The following HOOK2 variants were observed in gnomAD, a reference collection of about 807,000 sequenced individuals.
The protein encoded by HOOK2 is protein Hook homolog 2.
A neutral mutation model predicts 111.9 loss-of-function variants in HOOK2; 108 were observed. The observed-to-expected ratio is 0.96, with a 90% CI of 0.83 to 1.13. HOOK2 has a LOEUF of 1.13. Among genes scored for constraint, HOOK2 ranks in the 50% most tolerant of loss-of-function variants. The pLI is 0.00. For missense variants in HOOK2, 978 were observed against 951.3 expected, an observed-to-expected ratio of 1.03 and a Z score of -0.37; for synonymous variants, 405 against 394.3, an observed-to-expected ratio of 1.03 and a Z score of -0.32.
In HOOK2 at chr19:12,771,050, C is replaced by T; in HGVS notation, c.784G>A (p.Glu262Lys). ...NFRLESGREDERLRCAELERE... is the reference protein window; with the variant it reads ...NFRLESGREDKRLRCAELERE... ...TCCAGCTCGGCACAGCGCAGGCGCT[C>T]ATCCTCCCTGCCACTCTCCAGCCTG... The change falls in exon 10 of 23, where the codon GAG (glutamate) becomes AAG (lysine). Residue 262 changes from glutamate to lysine, a missense_variant. Coordinates refer to ENST00000397668, the MANE Select transcript of HOOK2 (RefSeq NM_013312.3). 2 of 1,611,868 alleles carry T rather than the reference C, an allele frequency of 1.2e-6. No homozygotes were observed. The highest frequency in any genetic ancestry group is 1.7e-6 in the Non-Finnish European group (2 of 1,178,830).
At position 12,791,705 on chromosome 19, in the gene HOOK2, C is replaced by A; in HGVS notation, n.42-17480G>T. Reference sequence around the variant, plus strand: ...TCCGGTCACCGCAGCGGAGAGCTCGCCGCTCGCTGCAGCGAGGCCCGGAGC... The same window carrying A: ...TCCGGTCACCGCAGCGGAGAGCTCGACGCTCGCTGCAGCGAGGCCCGGAGC... On this transcript the variant is annotated intron_variant and non_coding_transcript_variant, in intron 3 of 3. Transcript: ENST00000589765. The surrounding 1 kb of genome is among the most constrained non-coding windows in gnomAD (Gnocchi z 7.0). The A allele has an allele frequency of 3.2e-6, 4 of 1,240,448 alleles. No individual in the cohort carries two copies. Among genetic ancestry groups the A allele is most frequent in the East Asian group, 2.5e-5 (1 of 40,258 alleles). 76.8% of individuals were successfully genotyped at this position (1,240,448 alleles called of 1,614,324 possible). A position where few individuals can be genotyped will look rare whatever the true frequency, so the allele number is the denominator to read the frequency against.
chr19:12,776,595 C>T (rs962546473), upstream of HOOK2, among the ~76,000 whole-genome samples: 2 of 148,704 alleles, frequency 1.3e-5, no homozygotes, highest in Non-Finnish European at 3.0e-5. Context: ...AGGAGAATCG[C>T]TTGAACCCTG....
Position 12,772,637 on chromosome 19 carries a change from A to C in HOOK2, c.432T>G (p.His144Gln), listed in dbSNP as rs1314426545. Residue 144 changes from histidine to glutamine, a missense_variant, in exon 6 of 23, where the codon CAT becomes CAG. Around this residue, in one of 5 missense-constraint regions of HOOK2, gnomAD observed 301 missense variants for 286.1 expected, o/e 1.05. Transcript: ENST00000397668. ...CCTCTTGGATGGCTTCCATCACCACATGCTGAACCGATTCTTCCAGCGTCA... is the reference window on the plus strand; with the variant it reads ...CCTCTTGGATGGCTTCCATCACCACCTGCTGAACCGATTCTTCCAGCGTCA... ...RIMTLEESVQHVVMEAIQELM... is the reference protein window; with the variant it reads ...RIMTLEESVQQVVMEAIQELM... 1 of 1,614,146 alleles carries C rather than the reference A, an allele frequency of 6.2e-7. No homozygotes were observed. Among genetic ancestry groups the C allele is most frequent in the Non-Finnish European group, 8.5e-7 (1 of 1,180,010 alleles).
chr19:12,777,648 C>T (rs141464846), upstream of HOOK2, among the ~76,000 whole-genome samples: 46 of 152,374 alleles, frequency 3.0e-4, no homozygotes, highest in African/African-American at 9.4e-4. Context: ...ATATTCCCCC[C>T]GCGCCTTGCC....
intron 3 of HOOK2, among the ~76,000 whole-genome samples, chr19:12,783,718 G>C (rs912470550): frequency 3.3e-5 from 5 of 152,122 alleles, no homozygotes; most frequent in African/African-American, 7.2e-5. Flanking sequence ...GGGTTGTTGT[G>C]GGGATTAGGT....
chr19:12,771,672 C>G (rs1197439556), intron 7 of HOOK2, 195 bp from the exon 8 acceptor site: 12 of 583,024 alleles, frequency 2.1e-5, no homozygotes, highest in Non-Finnish European at 3.1e-5. Flanking sequence ...TACCTGAGAT[C>G]AGGAGTTCCA....
chr19:12,764,757 G>A, intron 20 of HOOK2, 57 bp downstream of exon 20: 7 of 1,468,112 alleles, frequency 4.8e-6, no homozygotes, highest in Non-Finnish European at 6.6e-6. Flanking sequence ...CTCAATAGGA[G>A]GCACAAAAAG....
chr19:12,774,761 A>G lies in HOOK2; in HGVS notation c.132-20T>C. 1 of 1,613,508 alleles carries G rather than the reference A, an allele frequency of 6.2e-7. No individual in the cohort carries two copies. Among genetic ancestry groups the G allele is most frequent in the Non-Finnish European group, 8.5e-7 (1 of 1,179,474 alleles). ...GGGTCTCTGGGGGCGAGAAGGTGGG[A>G]TGAGCAGACTGGGGGACACTTTTGG... is the stretch of plus-strand genomic sequence containing the variant. On this transcript the variant is annotated intron_variant, in intron 2 of 22. Transcript: ENST00000397668.
chr19:12,763,624 G>A (rs780430834), intron 21 of HOOK2, 25 bp from the exon 22 acceptor site: 3 of 1,614,162 alleles, frequency 1.9e-6, no homozygotes, highest in Non-Finnish European at 1.7e-6. Context: ...AGTGTCAGGG[G>A]CCTAGATACG....
rs1968125297 is a variant in HOOK2, at chr19:12,765,710, T to C, written c.1620A>G (p.Lys540=). The change falls in exon 18 of 23, where the codon AAA becomes AAG. Residue 540 remains lysine (K), a synonymous_variant. Coordinates refer to ENST00000397668, the MANE Select transcript of HOOK2 (RefSeq NM_013312.3). The stretch of plus-strand genomic sequence containing the variant: ...CTTACAAATGTTCCTCCAGCTTCCT[T>C]TTCAGCAAAATGGACTGGGAGAGAG... ...KTEDAISILL[K]RKLEEHLQKL... is the part of the protein sequence containing the mutation. 2.5e-6 allele frequency: 4 copies of C among 1,614,184 alleles called. No individual in the cohort carries two copies. Among genetic ancestry groups the C allele is most frequent in the Non-Finnish European group, 3.4e-6 (4 of 1,180,026 alleles).
chr19:12,789,270 C>T (rs935124074), intron 3 of HOOK2, among the ~76,000 whole-genome samples: 2 of 152,062 alleles, frequency 1.3e-5, no homozygotes, highest in African/African-American at 2.4e-5. Context: ...GGTTCACACA[C>T]TAACTGCTCG....
upstream of HOOK2, among the ~76,000 whole-genome samples, chr19:12,781,517 G>C (rs969504892): frequency 6.6e-6 from 1 of 151,564 alleles, no homozygotes. Context: ...TAGTAGAGAC[G>C]GGGTTTCAGT....
intron 18 of HOOK2, 195 bp from the exon 19 acceptor site, chr19:12,765,276 G>A (rs920143031): frequency 3.2e-5 from 20 of 619,232 alleles, no homozygotes; most frequent in Admixed American, 1.1e-4. Flanking sequence ...ACAACCCTCC[G>A]CACCCTTAGC....
rs768766712 is a variant in HOOK2 at position 12,768,085 on chromosome 19, C to A, written c.1143G>T (p.Met381Ile). ...ATTCAAATAGCCATTTCTCGGCCTT[C>A]ATGGCCTCCTCCTGCCGCTGGCCCT... is the stretch of plus-strand genomic sequence containing the variant. ...ELQGQRQEEA[M>I]KAEKWLFECR... is the part of the protein sequence containing the mutation. The change falls in exon 12 of 23, where the codon ATG (methionine) becomes ATT (isoleucine). Residue 381 changes from methionine (M) to isoleucine (I), a missense_variant. Coordinates refer to ENST00000397668, the MANE Select transcript of HOOK2 (RefSeq NM_013312.3). 1 of 1,614,246 alleles carries A rather than the reference C, an allele frequency of 6.2e-7. No individual in the cohort carries two copies. Among genetic ancestry groups the A allele is most frequent in the South Asian group, 1.1e-5 (1 of 91,092 alleles).
chr19:12,781,748 T>G (rs1369783145), upstream of HOOK2, among the ~76,000 whole-genome samples: 1 of 152,142 alleles, frequency 6.6e-6, no homozygotes, highest in Non-Finnish European at 1.5e-5. Context: ...TGTGTCTGTA[T>G]GTATCTCTGT....
chr19:12,781,577 T>C (rs1041970207), upstream of HOOK2, among the ~76,000 whole-genome samples: 9 of 152,036 alleles, frequency 5.9e-5, no homozygotes, highest in Non-Finnish European at 1.2e-4. Context: ...CCGCCCGCCT[T>C]GGCCTCCCAA....
intron 3 of HOOK2, among the ~76,000 whole-genome samples, chr19:12,773,607 C>T (rs1309352698): frequency 6.6e-6 from 1 of 152,128 alleles, no homozygotes; most frequent in African/African-American, 2.4e-5. Flanking sequence ...ACCTGCCCCA[C>T]CATCCTTCAG....
chr19:12,774,411 G>A (rs1318892361), intron 3 of HOOK2: 5 of 570,646 alleles, frequency 8.8e-6, no homozygotes, highest in South Asian at 2.0e-5. Context: ...CAGCCTGGAA[G>A]TTAATTTTTA....
rs764527642 is a variant in HOOK2 at position 12,774,723 on chromosome 19, G to T, written c.150C>A (p.Asn50Lys). Reference sequence around the variant, plus strand: ...CCGAGATGCCCTGGAGCCATGCCTCGTTGAACCAGGAGGGGTCTCTGGGGG... The same window carrying T: ...CCGAGATGCCCTGGAGCCATGCCTCTTTGAACCAGGAGGGGTCTCTGGGGG... ...VLNQIDPSWF[N>K]EAWLQGISED... is the part of the protein sequence containing the mutation. The change falls in exon 3 of 23, where the codon AAC becomes AAA. Residue 50 changes from asparagine (N) to lysine (K), a missense_variant. Coordinates refer to ENST00000397668, the MANE Select transcript of HOOK2 (RefSeq NM_013312.3). 1.9e-6 allele frequency: 3 copies of T among 1,614,098 alleles called. No individual in the cohort carries two copies. The South Asian group carries it at 3.3e-5, about 18-fold the overall frequency.
Sources: gnomAD v4.1 joint callset for allele counts (sites outside exome capture counted in the v4.1 genomes callset) on GRCh38, gnomAD v4.1.1 for gene constraint, gnomAD v4.1.1 regional missense constraint, Gnocchi (gnomAD v3.1) non-coding constraint, MANE v1.5 for transcripts, NCBI Gene and HGNC (gene_info 2026-07-23, HGNC 2026-07-21) for gene names.